ABCC1: variants seen among roughly 807,000 people sequenced by gnomAD.
The protein encoded by ABCC1 is ATP binding cassette subfamily C member 1 (ABCC1 blood group), also known as multidrug resistance-associated protein 1.
In ABCC1, 83 loss-of-function variants were observed where a neutral mutation model predicts 172.9. The ratio of observed to expected loss-of-function variants is 0.48; its 90% CI spans 0.40 to 0.58. The LOEUF is 0.58. Among genes scored for constraint, ABCC1 ranks in the 20% least tolerant of loss-of-function variants. The pLI, the probability that ABCC1 is intolerant of heterozygous loss-of-function variation, is 0.00. For missense variants in ABCC1, 1,817 were observed against 2,002.7 expected, an observed-to-expected ratio of 0.91 and a Z score of 1.77; for synonymous variants, 937 against 825.2, an observed-to-expected ratio of 1.14 and a Z score of -2.32.
intron 20 of ABCC1, among the ~76,000 whole-genome samples, chr16:16,105,655 A>T (rs1293290134): frequency 2.6e-5 from 4 of 151,590 alleles, no homozygotes; most frequent in Non-Finnish European, 5.9e-5. Context: ...AGAAATTTCC[A>T]CGGCAGTGAG....
At chr16:16,084,184 C>A (rs901482668) in intron 17 of ABCC1, among the ~76,000 whole-genome samples, 10 of 152,226 alleles carry the variant, frequency 6.6e-5, no homozygotes, top group African/African-American at 2.2e-4. Context: ...CTCACTGCAA[C>A]CTCTGCCTCC....
chr16:16,034,021 A>G (rs1302878219), intron 6 of ABCC1, among the ~76,000 whole-genome samples: 1 of 48,996 alleles, frequency 2.0e-5, no homozygotes, highest in Non-Finnish European at 4.7e-5. Flanking sequence ...AATAAGCATC[A>G]TCTTTTTTTT....
At chr16:15,958,429 T>A (rs1173986599) in intron 1 of ABCC1, among the ~76,000 whole-genome samples, 1 of 152,148 alleles carries the variant, frequency 6.6e-6, no homozygotes, top group East Asian at 1.9e-4. Flanking sequence ...TTTAAAATTG[T>A]GCTTCCTCAC....
chr16:16,116,294 G>A (rs2044861870), intron 23 of ABCC1, among the ~76,000 whole-genome samples: 1 of 152,042 alleles, frequency 6.6e-6, no homozygotes, highest in Non-Finnish European at 1.5e-5. Context: ...ATCAAGGAAG[G>A]GAAGTAGGGC....
At chr16:16,111,301 C>A in intron 21 of ABCC1, 74 bp from the exon 22 acceptor site, 2 of 1,329,578 alleles carry the variant, frequency 1.5e-6, no homozygotes, top group African/African-American at 1.5e-5. Flanking sequence ...TGGTGAAGCC[C>A]CCGACCTTGT....
chr16:16,067,239 G>A (rs1017238940), intron 12 of ABCC1, among the ~76,000 whole-genome samples: 8 of 152,154 alleles, frequency 5.3e-5, no homozygotes, highest in Admixed American at 2.6e-4. Context: ...CGTCCCTGTC[G>A]TTTCGAGCAC....
intron 4 of ABCC1, among the ~76,000 whole-genome samples, chr16:16,015,044 C>T (rs1019201852): frequency 1.3e-5 from 2 of 151,850 alleles, no homozygotes; most frequent in African/African-American, 4.8e-5. Flanking sequence ...CTCGCGTTAC[C>T]TTTGTCCCAT....
At chr16:16,015,031 G>C (rs1049816816) in intron 4 of ABCC1, among the ~76,000 whole-genome samples, 1 of 151,984 alleles carries the variant, frequency 6.6e-6, no homozygotes, top group Non-Finnish European at 1.5e-5. Context: ...CCCTAGGCTT[G>C]TCCTCGCGTT....
At chr16:16,056,341 A>G (rs758338938) in intron 12 of ABCC1, 46 bp downstream of exon 12, 2 of 1,600,638 alleles carry the variant, frequency 1.2e-6, no homozygotes, top group Admixed American at 1.7e-5. Flanking sequence ...TTGATGTTTT[A>G]TTTTCTCTGC....
At chr16:16,010,221 A>C (rs2047727016) in intron 3 of ABCC1, among the ~76,000 whole-genome samples, 1 of 151,474 alleles carries the variant, frequency 6.6e-6, no homozygotes, top group Non-Finnish European at 1.5e-5. Context: ...TTTTTGGCTA[A>C]TTTTAAATTT....
chr16:16,007,442 C>G (rs1159019007), intron 1 of ABCC1, among the ~76,000 whole-genome samples: 1 of 152,126 alleles, frequency 6.6e-6, no homozygotes, highest in East Asian at 1.9e-4. Context: ...CTAGGCTGGT[C>G]TCGAACTCCC....
chr16:16,134,632 T>G lies in ABCC1; in HGVS notation c.4125+124T>G. The stretch of plus-strand genomic sequence containing the variant: ...TGGCCCTACTTCATCGTTCTTTTTT[T>G]TTTTTTTTTTTTTTTTTTTCCTGAA... On this transcript the variant is annotated intron_variant, in intron 28 of 30. Transcript: ENST00000399410. 4.4e-6 allele frequency: 4 copies of G among 900,654 alleles called. No homozygotes were observed. In the African/African-American group the frequency reaches 5.3e-5, roughly 12 times the overall value. 55.8% of individuals were successfully genotyped at this position (900,654 alleles called of 1,614,324 possible).
At chr16:15,999,833 TG>T (rs1567299020) in intron 1 of ABCC1, among the ~76,000 whole-genome samples, 13 of 71,850 alleles carry the variant, frequency 1.8e-4, no homozygotes, top group African/African-American at 5.9e-4. Context: ...TCTCTCTCTC[TG>T]TCTCTTTCTT....
chr16:16,029,515 C>T (rs1420487841), intron 5 of ABCC1, among the ~76,000 whole-genome samples: 3 of 152,168 alleles, frequency 2.0e-5, no homozygotes, highest in Non-Finnish European at 2.9e-5. Flanking sequence ...TGAGCCACTG[C>T]GCCCAGCTGC....
intron 19 of ABCC1, among the ~76,000 whole-genome samples, chr16:16,100,894 A>AT: frequency 6.6e-6 from 1 of 152,296 alleles, no homozygotes; most frequent in East Asian, 1.9e-4. Context: ...CACTTCCCAC[A>AT]TATCACAGTT....
chr16:16,052,282 G>GCCCAGGAGTTGGAGA (rs2049461635), intron 10 of ABCC1, among the ~76,000 whole-genome samples: 1 of 152,086 alleles, frequency 6.6e-6, no homozygotes, highest in Non-Finnish European at 1.5e-5. Context: ...GATCGCTGGA[G>GCCCAGGAGTTGGAGA]CCCAGGAGTT....
At chr16:16,134,622 GTTCTTTT>G in intron 28 of ABCC1, 114 bp downstream of exon 28, 7 of 574,750 alleles carry the variant, frequency 1.2e-5, no homozygotes, top group African/African-American at 4.9e-5. Flanking sequence ...CTACTTCATC[GTTCTTTT>G]TTTTTTTTTT....
chr16:15,990,592 C>T (rs2046837772), intron 1 of ABCC1, among the ~76,000 whole-genome samples: 1 of 152,004 alleles, frequency 6.6e-6, no homozygotes, highest in African/African-American at 2.4e-5. Flanking sequence ...CTGTGCCTGG[C>T]TTATTTCATT....
intron 30 of ABCC1, among the ~76,000 whole-genome samples, chr16:16,139,995 G>A (rs1304359421): frequency 6.6e-6 from 1 of 152,260 alleles, no homozygotes; most frequent in Non-Finnish European, 1.5e-5. Flanking sequence ...GTGCACGAAT[G>A]AATGAGCATG....
Sources: gnomAD v4.1 joint callset for allele counts (sites outside exome capture counted in the v4.1 genomes callset) on GRCh38, gnomAD v4.1.1 for gene constraint, MANE v1.5 for transcripts, NCBI Gene and HGNC (gene_info 2026-07-23, HGNC 2026-07-21) for gene names.